PNPT1: variants seen among roughly 807,000 people sequenced by gnomAD.
The protein encoded by PNPT1 is polyribonucleotide nucleotidyltransferase 1.
Under a neutral mutation model 119.5 loss-of-function variants are expected in PNPT1, and 53 were observed. That is an observed-to-expected ratio of 0.44 (90% CI 0.36 to 0.56). PNPT1 has a LOEUF of 0.56. Among genes scored for constraint, PNPT1 ranks in the 20% least tolerant of loss-of-function variants. PNPT1 has a pLI of 0.00. For synonymous variants in PNPT1, 357 were observed against 322.1 expected, an observed-to-expected ratio of 1.11 and a Z score of -1.16; for missense variants, 948 against 938.5, an observed-to-expected ratio of 1.01 and a Z score of -0.13.
rs1559104979 is a variant in PNPT1 at position 55,672,892 on chromosome 2, C to T, written c.866+1G>A. On this transcript the variant is annotated splice_donor_variant, in intron 9 of 27. Transcript: ENST00000447944. LOFTEE classifies it high-confidence loss of function. The stretch of plus-strand genomic sequence containing the variant: ...ATTTTCATTTGCACAGATGTTCTTA[C>T]TTATGAGTATATTTCACAATCTCTG... 6.3e-7 allele frequency: 1 copy of T among 1,588,022 alleles called. No homozygotes were observed. Among genetic ancestry groups the T allele is most frequent in the Non-Finnish European group, 8.5e-7 (1 of 1,171,516 alleles).
chr2:55,637,062 A>G (rs1238653493), intron 27 of PNPT1, among the ~76,000 whole-genome samples: 1 of 152,254 alleles, frequency 6.6e-6, no homozygotes, highest in East Asian at 1.9e-4. Context: ...TGGAGCCCGA[A>G]AAAACAGACT....
chr2:55,644,606 T>TA (rs1239961684), intron 23 of PNPT1, 31 bp downstream of exon 23: 2 of 1,529,998 alleles, frequency 1.3e-6, no homozygotes, highest in African/African-American at 2.8e-5. Flanking sequence ...AGCATTTAAT[T>TA]AAAAAACCCC....
chr2:55,665,416 A>G (rs1696702577), intron 13 of PNPT1, among the ~76,000 whole-genome samples: 1 of 152,218 alleles, frequency 6.6e-6, no homozygotes, highest in Non-Finnish European at 1.5e-5. Context: ...ATAGCAGACT[A>G]CCACAGGCAA....
In PNPT1 at chr2:55,660,162, A is replaced by G; in HGVS notation, c.1279T>C (p.Tyr427His). 6.3e-7 allele frequency: 1 copy of G among 1,590,620 alleles called. No individual in the cohort carries two copies. Among genetic ancestry groups the G allele is most frequent in the Non-Finnish European group, 8.6e-7 (1 of 1,169,228 alleles). Residue 427 changes from tyrosine (Y) to histidine (H), a missense_variant, in exon 15 of 28, where the codon TAC becomes CAC. Tyr to His is a moderately conservative substitution (Grantham distance 83). Transcript: ENST00000447944. The stretch of plus-strand genomic sequence containing the variant: ...AGGAAAAAAATTCACCTTACCTCGT[A>G]GTGCAGCATGAAATTTTTATCTTTT... ...GIKDKNFMLH[Y>H]EFPPYATNEI...
intron 3 of PNPT1, among the ~76,000 whole-genome samples, 183 bp from the exon 4 acceptor site, chr2:55,685,231 GATTTTAAA>G (rs1697364451): frequency 1.3e-5 from 2 of 152,188 alleles, no homozygotes; most frequent in African/African-American, 4.8e-5. Context: ...TCTGCAAAGT[GATTTTAAA>G]AAACGTTCAG....
At chr2:55,636,418 T>G (rs977340139) in intron 27 of PNPT1, 26 bp from the exon 28 acceptor site, 1 of 1,610,314 alleles carries the variant, frequency 6.2e-7, no homozygotes, top group Non-Finnish European at 8.5e-7. Context: ...AGATCTTCCT[T>G]TAAAGTTACA....
At chr2:55,652,642 G>C (rs1035846302) in intron 18 of PNPT1, among the ~76,000 whole-genome samples, 4 of 152,008 alleles carry the variant, frequency 2.6e-5, no homozygotes, top group Middle Eastern at 3.2e-3. Context: ...AGTATGAATG[G>C]TGCACCTATT....
chr2:55,668,427 G>A (rs1034650650), intron 11 of PNPT1, among the ~76,000 whole-genome samples: 1 of 152,048 alleles, frequency 6.6e-6, no homozygotes, highest in Admixed American at 6.6e-5. Flanking sequence ...TAGTGGAGAC[G>A]GGGTTTTACC....
chr2:55,668,400 C>A (rs987507543), intron 11 of PNPT1, among the ~76,000 whole-genome samples: 1 of 151,974 alleles, frequency 6.6e-6, no homozygotes, highest in Admixed American at 6.6e-5. Flanking sequence ...CCATGCCTGG[C>A]TAATTTTTTT....
intron 13 of PNPT1, among the ~76,000 whole-genome samples, chr2:55,662,649 G>A (rs1313216213): frequency 6.6e-6 from 1 of 152,086 alleles, no homozygotes; most frequent in Non-Finnish European, 1.5e-5. Flanking sequence ...ACTCCAGCCT[G>A]GGCAACAGAG....
chr2:55,684,710 C>G (rs1404138843), intron 4 of PNPT1, among the ~76,000 whole-genome samples: 2 of 152,194 alleles, frequency 1.3e-5, no homozygotes, highest in Non-Finnish European at 2.9e-5. Context: ...TATTGAATGC[C>G]TATTCTGTGC....
At chr2:55,693,108 A>G (rs1293534025) in intron 1 of PNPT1, among the ~76,000 whole-genome samples, 4 of 152,062 alleles carry the variant, frequency 2.6e-5, no homozygotes, top group Non-Finnish European at 5.9e-5. Context: ...CCAGGTCTTA[A>G]ACGAATATTT....
chr2:55,637,704 A>T (rs765894902), intron 26 of PNPT1, 105 bp from the exon 27 acceptor site: 1 of 1,036,974 alleles, frequency 9.6e-7, no homozygotes, highest in Non-Finnish European at 1.5e-6. Flanking sequence ...TGATTAAAAA[A>T]ATCAGTTAGC....
Position 55,691,018 on chromosome 2 carries a change from T to C in PNPT1, c.161+2645A>G, listed in dbSNP as rs561208460. Among the ~76,000 whole-genome samples, 13 of 152,352 alleles carry C rather than the reference T, an allele frequency of 8.5e-5. No homozygotes were observed. The South Asian group carries it at 2.5e-3, about 29-fold the overall frequency. On this transcript the variant is annotated intron_variant, in intron 1 of 27. Coordinates refer to ENST00000447944, the MANE Select transcript of PNPT1 (RefSeq NM_033109.5). ...CTGAGTAACATGCCACCAGTACTTC[T>C]CAAAACTTACCAGGAACTGGCATTC... is the stretch of plus-strand genomic sequence containing the variant.
intron 15 of PNPT1, 148 bp from the exon 16 acceptor site, chr2:55,656,519 G>A (rs1027333336): frequency 3.1e-5 from 22 of 721,118 alleles, no homozygotes; most frequent in Middle Eastern, 3.1e-4. Flanking sequence ...TACAGAAAAC[G>A]TATGATATAA....
intron 15 of PNPT1, among the ~76,000 whole-genome samples, chr2:55,656,900 G>A (rs1047790691): frequency 1.3e-5 from 2 of 152,220 alleles, no homozygotes; most frequent in East Asian, 1.9e-4. Flanking sequence ...AAAAATGTAT[G>A]GAGGAAACAG....
chr2:55,656,374 TAA>T lies in PNPT1; in HGVS notation c.1285-5_1285-4del, dbSNP rs745754666. On this transcript the variant is annotated splice_region_variant and splice_polypyrimidine_tract_variant and intron_variant, in intron 15 of 27. Coordinates refer to ENST00000447944, the MANE Select transcript of PNPT1 (RefSeq NM_033109.5). ...TCATTAGTTGCATAAGGAGGAAACT[TAA>T]AAAAAAAAAAACACAAACACACATA... 8.9e-5 allele frequency: 113 copies of T among 1,270,556 alleles called. No homozygotes were observed. The highest frequency in any genetic ancestry group is 3.9e-4 in the Admixed American group (17 of 43,754). 78.7% of individuals were successfully genotyped at this position (1,270,556 alleles called of 1,614,324 possible). A position where few individuals can be genotyped will look rare whatever the true frequency, so the allele number is the denominator to read the frequency against.
chr2:55,648,520 CAATTT>C (rs78642934), intron 18 of PNPT1, among the ~76,000 whole-genome samples: 4,397 of 152,250 alleles, frequency 0.029, 79 homozygotes, highest in South Asian at 0.11. Flanking sequence ...TGATTTTTCT[CAATTT>C]AAAGTGTAAA....
chr2:55,666,584 T>C (rs1696740738), intron 13 of PNPT1, among the ~76,000 whole-genome samples: 1 of 152,204 alleles, frequency 6.6e-6, no homozygotes, highest in African/African-American at 2.4e-5. Flanking sequence ...CTCATGCCTG[T>C]ATCCCAGAAC....
Sources: allele counts gnomAD v4.1 joint callset (sites outside exome capture counted in the v4.1 genomes callset), GRCh38; gene constraint gnomAD v4.1.1; transcripts MANE v1.5; gene names NCBI Gene and HGNC (gene_info 2026-07-23, HGNC 2026-07-21).